Variants in NRXN3 observed in about 807,000 individuals in gnomAD.
NRXN3 encodes the protein neurexin III.
Under a neutral mutation model 137.6 loss-of-function variants are expected in NRXN3, and 32 were observed. The observed-to-expected ratio is 0.23, with a 90% CI of 0.18 to 0.31. The LOEUF is 0.31. Ranked by LOEUF, NRXN3 falls within the 10% of genes least tolerant of loss-of-function variation. The probability of loss-of-function intolerance (pLI) is 1.00; values close to 1 mark genes in which losing one functional copy is unlikely to be tolerated. For missense variants in NRXN3, 1,574 were observed against 2,062.5 expected (o/e 0.76, Z 4.59); for synonymous variants, 798 against 784.5 (o/e 1.02, Z -0.29).
At chr14:79,355,084 G>A (rs1011545904) in intron 15 of NRXN3, among the ~76,000 whole-genome samples, 12 of 152,202 alleles carry the variant, frequency 7.9e-5, no homozygotes, top group African/African-American at 2.9e-4. Flanking sequence ...GCCAAAGGGG[G>A]GTGACAAGAT....
At chr14:79,099,567 G>A (rs2050908580) in intron 15 of NRXN3, among the ~76,000 whole-genome samples, 1 of 152,130 alleles carries the variant, frequency 6.6e-6, no homozygotes, top group African/African-American at 2.4e-5. Context: ...TAAAGTTTTT[G>A]TAGGTGGAGA....
chr14:78,748,159 A>G (rs1181113308), intron 8 of NRXN3, among the ~76,000 whole-genome samples: 1 of 152,174 alleles, frequency 6.6e-6, no homozygotes, highest in Non-Finnish European at 1.5e-5. Context: ...TTCAGGGGAT[A>G]TATAACTGAA....
chr14:79,687,471 T>C (rs1211361196), intron 17 of NRXN3, among the ~76,000 whole-genome samples: 1 of 152,216 alleles, frequency 6.6e-6, no homozygotes, highest in Non-Finnish European at 1.5e-5. Context: ...GCAGTACCAC[T>C]ACATTGATTT....
At chr14:78,816,660 G>A (rs2098934336) in intron 10 of NRXN3, among the ~76,000 whole-genome samples, 1 of 151,932 alleles carries the variant, frequency 6.6e-6, no homozygotes. Flanking sequence ...AAGATCTATT[G>A]GATAAATTCC....
At chr14:79,304,554 G>T (rs990721032) in intron 15 of NRXN3, among the ~76,000 whole-genome samples, 4 of 152,052 alleles carry the variant, frequency 2.6e-5, no homozygotes, top group African/African-American at 7.2e-5. Context: ...ATTATAAAGA[G>T]AATGCAGACC....
chr14:78,600,473 C>T (rs1249914571), intron 4 of NRXN3, among the ~76,000 whole-genome samples: 3 of 152,278 alleles, frequency 2.0e-5, no homozygotes, highest in Non-Finnish European at 4.4e-5. Context: ...GTCATAAAAC[C>T]ACATCTCCCA....
intron 4 of NRXN3, among the ~76,000 whole-genome samples, chr14:78,393,605 A>G (rs956091230): frequency 2.4e-4 from 37 of 151,922 alleles, no homozygotes; most frequent in Non-Finnish European, 4.0e-4. Flanking sequence ...GTTTCTTTTA[A>G]TTTCCATACA....
intron 15 of NRXN3, among the ~76,000 whole-genome samples, chr14:79,221,560 G>C (rs1350743055): frequency 1.3e-5 from 2 of 152,170 alleles, no homozygotes; most frequent in East Asian, 1.9e-4. Flanking sequence ...CTTTTGAGAA[G>C]TGTCTGCTCA....
At chr14:79,296,818 A>C (rs1314299379) in intron 15 of NRXN3, among the ~76,000 whole-genome samples, 1 of 152,194 alleles carries the variant, frequency 6.6e-6, no homozygotes, top group African/African-American at 2.4e-5. Flanking sequence ...AAAGCAAATA[A>C]ATAAATAAAT....
At chr14:79,043,952 A>C (rs2099629045) in intron 15 of NRXN3, among the ~76,000 whole-genome samples, 1 of 152,184 alleles carries the variant, frequency 6.6e-6, no homozygotes, top group Non-Finnish European at 1.5e-5. Context: ...CTACCTGTGC[A>C]CTGAAGGATG....
At chr14:78,213,331 A>G (rs1379966139) in intron 1 of NRXN3, among the ~76,000 whole-genome samples, 1 of 152,224 alleles carries the variant, frequency 6.6e-6, no homozygotes, top group African/African-American at 2.4e-5. Context: ...GCAGACATCA[A>G]AACAGGATTG....
At chr14:78,814,088 A>G (rs2153105922) in intron 10 of NRXN3, among the ~76,000 whole-genome samples, 1 of 152,318 alleles carries the variant, frequency 6.6e-6, no homozygotes. Context: ...ATACCACACC[A>G]TAAATTGCTC....
At chr14:78,448,461 G>A (rs2094473923) in intron 4 of NRXN3, among the ~76,000 whole-genome samples, 1 of 152,184 alleles carries the variant, frequency 6.6e-6, no homozygotes, top group Non-Finnish European at 1.5e-5. Context: ...AATCTGGAAA[G>A]AACAAGTTGA....
chr14:79,654,792 C>G (rs947318348), intron 16 of NRXN3, among the ~76,000 whole-genome samples: 2 of 152,112 alleles, frequency 1.3e-5, no homozygotes, highest in African/African-American at 4.8e-5. Context: ...GAGGGATTGA[C>G]TGAAAATGCC....
chr14:78,781,484 A>C (rs1226096506), intron 8 of NRXN3, among the ~76,000 whole-genome samples: 2 of 152,188 alleles, frequency 1.3e-5, no homozygotes, highest in African/African-American at 4.8e-5. Flanking sequence ...TAAATAAAGA[A>C]CCAGCCTCAC....
chr14:79,796,604 C>T (rs1387364274), intron 19 of NRXN3, among the ~76,000 whole-genome samples: 1 of 152,104 alleles, frequency 6.6e-6, no homozygotes, highest in African/African-American at 2.4e-5. Context: ...TAAAGGATCC[C>T]AATCCTCGGC....
chr14:79,351,727 C>A (rs1319552923), intron 15 of NRXN3, among the ~76,000 whole-genome samples: 3 of 152,202 alleles, frequency 2.0e-5, no homozygotes, highest in African/African-American at 7.2e-5. Flanking sequence ...CATCTCCCTG[C>A]AGAAATCACA....
chr14:79,322,230 G>T (rs1164560013), intron 15 of NRXN3, among the ~76,000 whole-genome samples: 1 of 152,124 alleles, frequency 6.6e-6, no homozygotes, highest in Non-Finnish European at 1.5e-5. Flanking sequence ...AACATTTTAT[G>T]CATGGAGTTT....
intron 15 of NRXN3, among the ~76,000 whole-genome samples, chr14:79,366,539 C>T (rs1375946829): frequency 6.6e-6 from 1 of 152,146 alleles, no homozygotes. Context: ...TAATTCTTAG[C>T]TCCCATATAA....
Sources: gnomAD v4.1 joint callset for allele counts (sites outside exome capture counted in the v4.1 genomes callset) on GRCh38, gnomAD v4.1.1 for gene constraint, MANE v1.5 for transcripts, NCBI Gene and HGNC (gene_info 2026-07-23, HGNC 2026-07-21) for gene names.